EPB41L2: variants seen among roughly 807,000 people sequenced by gnomAD.
EPB41L2 encodes the protein band 4.1-like protein 2.
A neutral mutation model predicts 113.0 loss-of-function variants in EPB41L2; 43 were observed. The observed-to-expected ratio is 0.38, with a 90% CI of 0.30 to 0.49. The LOEUF is 0.49. Ranked by LOEUF, EPB41L2 falls within the 20% of genes least tolerant of loss-of-function variation. The pLI is 0.95. For missense variants in EPB41L2, 1,147 were observed against 1,223.4 expected (o/e 0.94, Z 0.93); for synonymous variants, 442 against 436.7 (o/e 1.01, Z -0.15).
At chr6:131,006,352 C>T (rs577805503) in intron 1 of EPB41L2, among the ~76,000 whole-genome samples, 18 of 151,390 alleles carry the variant, frequency 1.2e-4, no homozygotes, top group African/African-American at 2.9e-4. Context: ...CCACCGCACC[C>T]GACGAACTTC....
chr6:130,865,230 G>T (rs1218092032), intron 17 of EPB41L2, among the ~76,000 whole-genome samples: 2 of 152,174 alleles, frequency 1.3e-5, no homozygotes, highest in Non-Finnish European at 2.9e-5. Flanking sequence ...TTTAATAAAA[G>T]TAGAAGCACA....
At chr6:130,841,492 G>T (rs751932140) in intron 19 of EPB41L2, among the ~76,000 whole-genome samples, 1 of 152,138 alleles carries the variant, frequency 6.6e-6, no homozygotes, top group African/African-American at 2.4e-5. Context: ...AGCTGAAGCC[G>T]GCAAGGAGTA....
chr6:130,890,567 T>C (rs1428713529), intron 10 of EPB41L2, 101 bp from the exon 11 acceptor site: 10 of 1,337,984 alleles, frequency 7.5e-6, no homozygotes, highest in Non-Finnish European at 1.0e-5. Context: ...TACTTTCATA[T>C]CTCATTTTAA....
intron 11 of EPB41L2, among the ~76,000 whole-genome samples, chr6:130,886,445 G>A (rs958462793): frequency 2.0e-4 from 31 of 152,086 alleles, no homozygotes; most frequent in African/African-American, 7.0e-4. Context: ...GTCCAACAAG[G>A]TCCTTGTATA....
intron 3 of EPB41L2, among the ~76,000 whole-genome samples, chr6:130,938,040 G>C (rs1011319235): frequency 6.6e-6 from 1 of 152,166 alleles, no homozygotes; most frequent in Non-Finnish European, 1.5e-5. Context: ...AACCAAAGTA[G>C]AAGACAAGTT....
intron 1 of EPB41L2, among the ~76,000 whole-genome samples, chr6:131,056,894 C>T (rs1179142957): frequency 6.6e-6 from 1 of 152,110 alleles, no homozygotes. Context: ...AATAAATGCA[C>T]ATTCATTAAG....
At chr6:130,872,414 G>A (rs1168681258) in intron 14 of EPB41L2, 2 of 1,289,246 alleles carry the variant, frequency 1.6e-6, no homozygotes, top group East Asian at 5.5e-5. Flanking sequence ...CTTTTCAGAA[G>A]GTGCATTAGC....
chr6:130,928,913 C>T (rs943974985), intron 3 of EPB41L2, among the ~76,000 whole-genome samples: 2 of 152,208 alleles, frequency 1.3e-5, no homozygotes. Context: ...TGGAATATGC[C>T]TCAACCAACC....
At chr6:130,889,030 A>G (rs1435522605) in intron 11 of EPB41L2, among the ~76,000 whole-genome samples, 1 of 152,176 alleles carries the variant, frequency 6.6e-6, no homozygotes, top group African/African-American at 2.4e-5. Context: ...TTCATCTGTT[A>G]GCATTATTTG....
intron 1 of EPB41L2, among the ~76,000 whole-genome samples, chr6:131,016,665 A>T (rs1417138548): frequency 6.6e-6 from 1 of 152,054 alleles, no homozygotes; most frequent in Non-Finnish European, 1.5e-5. Context: ...TCCTGTACAT[A>T]CTAAGGTGAT....
intron 1 of EPB41L2, among the ~76,000 whole-genome samples, chr6:131,001,319 A>C (rs1323671354): frequency 2.6e-5 from 4 of 151,942 alleles, no homozygotes; most frequent in Non-Finnish European, 5.9e-5. Context: ...GAGAGAGGGC[A>C]AGGGAAAGAG....
At chr6:130,947,400 A>G (rs1194198826) in intron 3 of EPB41L2, among the ~76,000 whole-genome samples, 2 of 152,200 alleles carry the variant, frequency 1.3e-5, no homozygotes, top group African/African-American at 4.8e-5. Flanking sequence ...TAGAAAGAAA[A>G]AGAACAAACA....
intron 1 of EPB41L2, among the ~76,000 whole-genome samples, chr6:131,021,128 T>G (rs999803507): frequency 6.6e-5 from 10 of 152,152 alleles, no homozygotes; most frequent in African/African-American, 2.4e-4. Flanking sequence ...CTCTGACCTC[T>G]CCCTTTCTTA....
chr6:130,981,067 C>A (rs112423843), intron 1 of EPB41L2, among the ~76,000 whole-genome samples: 1 of 151,928 alleles, frequency 6.6e-6, no homozygotes, highest in Non-Finnish European at 1.5e-5. Context: ...AAAATATGGT[C>A]AACCACCCAG....
rs149681368 is a variant in EPB41L2, at chr6:130,957,691, A to AG, written c.-14-1193_-14-1192insC. On this transcript the variant is annotated intron_variant, in intron 1 of 19. Transcript: ENST00000337057. ...TACAAACTTGAATAAGTCAAAAAAA[A>AG]AAGTACACTTGTTTTAAAGCTTTAT... 1.5e-3 allele frequency among the ~76,000 whole-genome samples: 227 copies of AG among 152,246 alleles called. 4 individuals carry two copies. In the East Asian group the frequency reaches 0.04, roughly 27 times the overall value.
intron 4 of EPB41L2, among the ~76,000 whole-genome samples, chr6:130,918,037 G>A (rs950155249): frequency 7.2e-5 from 11 of 152,148 alleles, no homozygotes; most frequent in African/African-American, 2.7e-4. Flanking sequence ...TGCCTAAATT[G>A]GGTTTAAGAG....
chr6:130,941,388 G>A (rs573984589), intron 3 of EPB41L2, among the ~76,000 whole-genome samples: 1 of 152,092 alleles, frequency 6.6e-6, no homozygotes, highest in Non-Finnish European at 1.5e-5. Flanking sequence ...GGCTAGTATC[G>A]AACTTCTAGC....
intron 1 of EPB41L2, among the ~76,000 whole-genome samples, chr6:131,050,269 G>T (rs769073380): frequency 6.6e-6 from 1 of 152,086 alleles, no homozygotes; most frequent in Non-Finnish European, 1.5e-5. Context: ...AACCCGGGAG[G>T]CAGAGGTTGC....
chr6:130,890,265 A>C, intron 11 of EPB41L2, 29 bp downstream of exon 11: 2 of 1,584,174 alleles, frequency 1.3e-6, no homozygotes, highest in Non-Finnish European at 1.7e-6. Context: ...AAGATGAATG[A>C]AAATCAAAAT....
Sources: allele counts gnomAD v4.1 joint callset (sites outside exome capture counted in the v4.1 genomes callset), GRCh38; gene constraint gnomAD v4.1.1; transcripts MANE v1.5; gene names NCBI Gene and HGNC (gene_info 2026-07-23, HGNC 2026-07-21).